Variants in TGFBR2 observed in about 807,000 individuals in gnomAD.
The protein encoded by TGFBR2 is TGF-beta receptor type-2.
TGFBR2 carries 18 observed loss-of-function variants against 49.0 expected under a neutral mutation model. The ratio of observed to expected loss-of-function variants is 0.37; its 90% CI spans 0.25 to 0.54. The LOEUF is 0.54. TGFBR2 is among the 20% of genes least tolerant of loss of function. The pLI, the probability that TGFBR2 is intolerant of heterozygous loss-of-function variation, is 0.85. For synonymous variants in TGFBR2, 282 were observed against 275.9 expected (o/e 1.02, Z -0.22); for missense variants, 525 against 722.6 (o/e 0.73, Z 3.13).
chr3:30,642,112 C>G (rs1379091085), intron 1 of TGFBR2, among the ~76,000 whole-genome samples: 1 of 152,204 alleles, frequency 6.6e-6, no homozygotes, highest in African/African-American at 2.4e-5. Flanking sequence ...GCTGCTCACT[C>G]CTGTCACTAT....
rs537391457 is a variant in TGFBR2, at chr3:30,632,469, T to G, written c.95-12278T>G. On this transcript the variant is annotated intron_variant, in intron 1 of 6. Transcript: ENST00000295754. ...CAACTTTATTGTAACGATGATTGAT[T>G]CCATTGTATATTTGAAAGCATCAGG... 9.8e-5 allele frequency among the ~76,000 whole-genome samples: 15 copies of G among 152,356 alleles called. No homozygotes were observed. In the East Asian group the frequency reaches 1.7e-3, roughly 18 times the overall value.
chr3:30,653,758 A>G (rs1469592803), intron 3 of TGFBR2, among the ~76,000 whole-genome samples: 1 of 152,224 alleles, frequency 6.6e-6, no homozygotes, highest in Non-Finnish European at 1.5e-5. Context: ...ACAAGATTTT[A>G]AGTATGGATC....
At chr3:30,629,597 T>A (rs1698398555) in intron 1 of TGFBR2, among the ~76,000 whole-genome samples, 1 of 152,236 alleles carries the variant, frequency 6.6e-6, no homozygotes, top group African/African-American at 2.4e-5. Context: ...CAGATAAGGT[T>A]TCCTTTGGAA....
Position 30,606,741 on chromosome 3 carries a change from G to A in TGFBR2, c.-143G>A, listed in dbSNP as rs1329759269. ...AGGCCCCCTCCTGGCTGGCGAGCGG[G>A]CGCCACATCTGGCCCGCACATCTGC... On this transcript the variant is annotated 5_prime_UTR_variant, in exon 1 of 7. Transcript: ENST00000295754. 3.8e-6 allele frequency: 2 copies of A among 529,774 alleles called. No homozygotes were observed. The highest frequency in any genetic ancestry group is 5.8e-6 in the Non-Finnish European group (2 of 342,012). The allele number at this position is 529,774 out of a possible 1,614,324, so 32.8% of individuals were successfully genotyped here.
intron 3 of TGFBR2, among the ~76,000 whole-genome samples, chr3:30,662,278 T>A (rs1699145701): frequency 6.6e-6 from 1 of 152,228 alleles, no homozygotes; most frequent in South Asian, 2.1e-4. Context: ...GATGTCCTTC[T>A]ACCATAACAT....
intron 1 of TGFBR2, among the ~76,000 whole-genome samples, chr3:30,643,664 T>G (rs1390469583): frequency 2.0e-5 from 3 of 152,200 alleles, no homozygotes; most frequent in Non-Finnish European, 4.4e-5. Context: ...ATTTATCCAA[T>G]AAACATTTTT....
At chr3:30,630,743 G>T (rs1342894442) in intron 1 of TGFBR2, among the ~76,000 whole-genome samples, 5 of 152,170 alleles carry the variant, frequency 3.3e-5, no homozygotes, top group African/African-American at 9.7e-5. Flanking sequence ...CCACATAAAA[G>T]GGCTGGAGGT....
At position 30,678,552 on chromosome 3, in the gene TGFBR2, A is replaced by C. The variant is rs1210025442; in HGVS notation, c.1396+4306A>C. ...GACAGAGCAAGACTGCGTCTAAAAAAAAAAAAAAAAAAAAAAGAGGTATGG... is the reference window on the plus strand; with the variant it reads ...GACAGAGCAAGACTGCGTCTAAAAACAAAAAAAAAAAAAAAAGAGGTATGG... On this transcript the variant is annotated intron_variant, in intron 5 of 6. Transcript: ENST00000295754. Among the ~76,000 whole-genome samples the C allele has an allele frequency of 3.4e-4, 52 of 151,264 alleles. 2 individuals carry two copies. The highest frequency in any genetic ancestry group is 1.2e-3 in the African/African-American group (49 of 41,314).
intron 1 of TGFBR2, among the ~76,000 whole-genome samples, chr3:30,610,058 A>G (rs1698000884): frequency 1.3e-5 from 2 of 152,190 alleles, no homozygotes; most frequent in African/African-American, 2.4e-5. Flanking sequence ...CTCTGGATCA[A>G]TAAGGCACCT....
At chr3:30,662,499 G>A (rs1699151620) in intron 3 of TGFBR2, among the ~76,000 whole-genome samples, 1 of 152,208 alleles carries the variant, frequency 6.6e-6, no homozygotes, top group Non-Finnish European at 1.5e-5. Context: ...TGATTGGAGA[G>A]AAGACTTCTT....
At chr3:30,647,429 T>G (rs530662921) in intron 2 of TGFBR2, among the ~76,000 whole-genome samples, 4 of 152,266 alleles carry the variant, frequency 2.6e-5, no homozygotes, top group African/African-American at 9.6e-5. Context: ...TCTCACAGCC[T>G]CAAGGTCTGT....
chr3:30,619,964 G>A (rs1317210710), intron 1 of TGFBR2, among the ~76,000 whole-genome samples: 1 of 151,916 alleles, frequency 6.6e-6, no homozygotes, highest in African/African-American at 2.4e-5. Context: ...GAGGCGGGCG[G>A]ATCACGAAGT....
chr3:30,632,787 C>T (rs192785408), intron 1 of TGFBR2, among the ~76,000 whole-genome samples: 4 of 152,102 alleles, frequency 2.6e-5, no homozygotes, highest in African/African-American at 4.8e-5. Flanking sequence ...CTACATGGGA[C>T]GATTTCATAA....
intron 3 of TGFBR2, among the ~76,000 whole-genome samples, chr3:30,661,340 C>T (rs560207511): frequency 1.9e-4 from 29 of 152,252 alleles, no homozygotes; most frequent in African/African-American, 7.0e-4. Context: ...TGGACAAAGC[C>T]TGGTACCTTG....
At chr3:30,645,608 T>C (rs1055971299) in intron 2 of TGFBR2, among the ~76,000 whole-genome samples, 2 of 151,716 alleles carry the variant, frequency 1.3e-5, no homozygotes, top group African/African-American at 4.8e-5. Flanking sequence ...GTCTCAGCCT[T>C]TCGAGTAGCT....
chr3:30,648,310 A>C (rs1698805974), intron 2 of TGFBR2, among the ~76,000 whole-genome samples: 1 of 152,038 alleles, frequency 6.6e-6, no homozygotes, highest in Non-Finnish European at 1.5e-5. Context: ...GCTTTCTTTC[A>C]TGGCTCACAG....
intron 1 of TGFBR2, among the ~76,000 whole-genome samples, chr3:30,639,725 T>C (rs1413190781): frequency 2.0e-5 from 3 of 152,196 alleles, no homozygotes; most frequent in Admixed American, 1.3e-4. Context: ...CAGGTATTTG[T>C]AGAACAAATA....
At chr3:30,610,285 A>G (rs1331674694) in intron 1 of TGFBR2, among the ~76,000 whole-genome samples, 1 of 150,870 alleles carries the variant, frequency 6.6e-6, no homozygotes, top group African/African-American at 2.4e-5. Flanking sequence ...ATTATGGAAT[A>G]CTGGTGTTTT....
chr3:30,670,203 C>T (rs77356232), intron 3 of TGFBR2, among the ~76,000 whole-genome samples: 35 of 152,252 alleles, frequency 2.3e-4, no homozygotes, highest in African/African-American at 7.0e-4. Context: ...TGACTTTTCC[C>T]ATTCTTCAGA....
Sources: gnomAD v4.1 joint callset for allele counts (sites outside exome capture counted in the v4.1 genomes callset) on GRCh38, gnomAD v4.1.1 for gene constraint, MANE v1.5 for transcripts, NCBI Gene and HGNC (gene_info 2026-07-23, HGNC 2026-07-21) for gene names.